MAGI1: variants seen among roughly 807,000 people sequenced by gnomAD.
MAGI1 encodes the protein membrane associated guanylate kinase, WW and PDZ domain containing 1.
MAGI1 carries 58 observed loss-of-function variants against 139.9 expected under a neutral mutation model. That is an observed-to-expected ratio of 0.41 (90% CI 0.34 to 0.52). MAGI1 has a LOEUF of 0.52. MAGI1 is among the 20% of genes least tolerant of loss of function. The pLI is 0.12. For missense variants in MAGI1, 1,874 were observed against 1,901.6 expected, an observed-to-expected ratio of 0.99 and a Z score of 0.27; for synonymous variants, 812 against 737.9, an observed-to-expected ratio of 1.10 and a Z score of -1.63.
intron 15 of MAGI1, 124 bp downstream of exon 15, chr3:65,383,408 C>A: frequency 2.8e-6 from 2 of 704,618 alleles, no homozygotes; most frequent in South Asian, 1.7e-5. Context: ...ACCCACACTA[C>A]TCAAGATTAA....
chr3:65,441,928 C>T (rs572645052), intron 8 of MAGI1, among the ~76,000 whole-genome samples: 4 of 152,250 alleles, frequency 2.6e-5, no homozygotes, highest in Admixed American at 1.3e-4. Context: ...TTTTCATCAC[C>T]AGCAGCATAA....
At chr3:65,603,869 T>A (rs989548271) in intron 2 of MAGI1, among the ~76,000 whole-genome samples, 3 of 152,124 alleles carry the variant, frequency 2.0e-5, no homozygotes, top group African/African-American at 4.8e-5. Flanking sequence ...GGTCCTCACA[T>A]GACAGAAGAC....
chr3:65,368,038 C>T (rs189144398), intron 18 of MAGI1, among the ~76,000 whole-genome samples: 6 of 152,224 alleles, frequency 3.9e-5, no homozygotes, highest in Admixed American at 2.6e-4. Context: ...TGAACTTTTA[C>T]TTCTTCATTT....
chr3:65,418,529 C>T (rs958174304), intron 12 of MAGI1, among the ~76,000 whole-genome samples: 49 of 152,254 alleles, frequency 3.2e-4, no homozygotes, highest in African/African-American at 1.1e-3. Flanking sequence ...AAGGCCTACC[C>T]CTTCTCACCT....
chr3:65,605,282 T>A (rs1273324504), intron 2 of MAGI1, among the ~76,000 whole-genome samples: 2 of 152,242 alleles, frequency 1.3e-5, no homozygotes, highest in South Asian at 4.1e-4. Context: ...TCTTGCTGGC[T>A]TCAGAACACA....
At chr3:65,810,270 T>C (rs927260224) in intron 1 of MAGI1, among the ~76,000 whole-genome samples, 3 of 152,264 alleles carry the variant, frequency 2.0e-5, no homozygotes, top group Non-Finnish European at 1.5e-5. Flanking sequence ...ATTCAATTCA[T>C]GCCACAGAGA....
chr3:65,539,354 T>G (rs994650829), intron 2 of MAGI1, among the ~76,000 whole-genome samples: 1 of 151,848 alleles, frequency 6.6e-6, no homozygotes, highest in East Asian at 2.0e-4. Context: ...CAAACACACA[T>G]ACCAACTACT....
At chr3:65,378,000 G>A (rs943493470) in intron 17 of MAGI1, among the ~76,000 whole-genome samples, 1 of 152,172 alleles carries the variant, frequency 6.6e-6, no homozygotes, top group African/African-American at 2.4e-5. Flanking sequence ...AGTCATTCAG[G>A]GATAGAGCTG....
intron 2 of MAGI1, among the ~76,000 whole-genome samples, chr3:65,536,915 G>GT (rs2078983914): frequency 6.6e-6 from 1 of 152,146 alleles, no homozygotes; most frequent in South Asian, 2.1e-4. Flanking sequence ...CATGGTTTGG[G>GT]TACCCAGAGC....
intron 2 of MAGI1, among the ~76,000 whole-genome samples, chr3:65,611,357 T>C (rs978661462): frequency 7.0e-6 from 1 of 143,670 alleles, no homozygotes; most frequent in South Asian, 2.2e-4. Flanking sequence ...TAGAGTATAC[T>C]ATATACAGTA....
At chr3:65,752,198 C>T (rs1212531825) in intron 1 of MAGI1, among the ~76,000 whole-genome samples, 1 of 152,182 alleles carries the variant, frequency 6.6e-6, no homozygotes, top group Non-Finnish European at 1.5e-5. Context: ...ACGTGCCCTC[C>T]TTGGCCTCCC....
At chr3:65,859,507 T>A (rs1267557241) in intron 1 of MAGI1, among the ~76,000 whole-genome samples, 1 of 152,008 alleles carries the variant, frequency 6.6e-6, no homozygotes, top group Non-Finnish European at 1.5e-5. Flanking sequence ...GGTGGGTGGA[T>A]CACCTGAGGC....
chr3:66,001,885 T>C (rs1039503359), intron 1 of MAGI1, among the ~76,000 whole-genome samples: 29 of 152,186 alleles, frequency 1.9e-4, no homozygotes, highest in African/African-American at 6.5e-4. Flanking sequence ...AGCTCTCACA[T>C]ATATTAAACA....
At chr3:65,440,358 G>A (rs1165282037) in intron 8 of MAGI1, among the ~76,000 whole-genome samples, 1 of 152,084 alleles carries the variant, frequency 6.6e-6, no homozygotes, top group Admixed American at 6.5e-5. Context: ...TAGTAAGCAG[G>A]AAACAGGCAT....
intron 1 of MAGI1, among the ~76,000 whole-genome samples, chr3:65,623,474 T>C (rs1166164427): frequency 1.3e-5 from 2 of 152,196 alleles, no homozygotes; most frequent in Non-Finnish European, 1.5e-5. Flanking sequence ...TAGCATTCAC[T>C]CTTAATGGAG....
intron 1 of MAGI1, among the ~76,000 whole-genome samples, chr3:65,699,422 G>A (rs1253161029): frequency 1.4e-5 from 2 of 148,076 alleles, no homozygotes; most frequent in Non-Finnish European, 3.0e-5. Context: ...AAAGACACAC[G>A]CACACATATG....
At chr3:65,771,000 A>G (rs1457123595) in intron 1 of MAGI1, among the ~76,000 whole-genome samples, 1 of 151,738 alleles carries the variant, frequency 6.6e-6, no homozygotes, top group Non-Finnish European at 1.5e-5. Context: ...AAATTATTTT[A>G]TTTTTAAAGA....
At chr3:65,647,170 G>A (rs1279388503) in intron 1 of MAGI1, among the ~76,000 whole-genome samples, 1 of 152,002 alleles carries the variant, frequency 6.6e-6, no homozygotes, top group Non-Finnish European at 1.5e-5. Flanking sequence ...CCAACAATAT[G>A]AAGCAAACAA....
At chr3:65,454,552 T>TAAA (rs1383009998) in intron 5 of MAGI1, among the ~76,000 whole-genome samples, 2 of 130,898 alleles carry the variant, frequency 1.5e-5, no homozygotes, top group African/African-American at 5.4e-5. Flanking sequence ...ATAATAATAA[T>TAAA]AATAAAAAAA....
Sources: allele counts gnomAD v4.1 joint callset (sites outside exome capture counted in the v4.1 genomes callset), GRCh38; gene constraint gnomAD v4.1.1; transcripts MANE v1.5; gene names NCBI Gene and HGNC (gene_info 2026-07-23, HGNC 2026-07-21).